Variants in MCU observed in about 807,000 individuals in gnomAD.
The protein encoded by MCU is mitochondrial calcium uniporter.
In MCU, 12 loss-of-function variants were observed where a neutral mutation model predicts 45.2. The ratio of observed to expected loss-of-function variants is 0.27; its 90% CI spans 0.17 to 0.43. The LOEUF (loss-of-function observed/expected upper bound fraction) is 0.43, where lower values mean the gene tolerates loss of function less well. MCU is among the 20% of genes least tolerant of loss of function. The probability of loss-of-function intolerance (pLI) is 1.00; values close to 1 mark genes in which losing one functional copy is unlikely to be tolerated. For synonymous variants in MCU, 160 were observed against 165.1 expected (o/e 0.97, Z 0.24); for missense variants, 324 against 436.7 (o/e 0.74, Z 2.30).
At chr10:72,720,048 T>A (rs78113212) in intron 1 of MCU, among the ~76,000 whole-genome samples, 4 of 147,118 alleles carry the variant, frequency 2.7e-5, no homozygotes, top group African/African-American at 1.0e-4. Flanking sequence ...TCTAATTAAA[T>A]TTTTTTTTTT....
Position 72,692,226 on chromosome 10 carries a change from C to T in MCU, c.75C>T (p.Gly25=). 2.4e-6 allele frequency: 3 copies of T among 1,243,060 alleles called. No individual in the cohort carries two copies. The highest frequency in any genetic ancestry group is 3.0e-6 in the Non-Finnish European group (3 of 988,174). The allele number at this position is 1,243,060 out of a possible 1,614,324, so 77.0% of individuals were successfully genotyped here. A position where few individuals can be genotyped will look rare whatever the true frequency, so the allele number is the denominator to read the frequency against. Residue 25 remains glycine (G), a synonymous_variant, in exon 1 of 8, where the codon GGC becomes GGT. Coordinates refer to ENST00000373053, the MANE Select transcript of MCU (RefSeq NM_138357.3). The part of the protein sequence containing the change: ...SRGGGGGGAG[G]CGALTAGCFP... ...GCGGCGGCGGCGGGGGCGCCGGCGG[C>T]TGCGGGGCGCTGACTGCCGGCTGCT... is the stretch of plus-strand genomic sequence containing the variant.
In MCU at chr10:72,828,839, A is replaced by C. The variant is rs534358101; in HGVS notation, c.151-5520A>C. 2.9e-3 allele frequency among the ~76,000 whole-genome samples: 442 copies of C among 152,328 alleles called. 3 individuals are homozygous for C. Among genetic ancestry groups the C allele is most frequent in the African/African-American group, 0.01 (417 of 41,570 alleles). On this transcript the variant is annotated intron_variant, in intron 1 of 7. Transcript: ENST00000373053. ...CTCTAAATTGATAACACTAGGGATTAAGATCAAAGGTAAATGATTATAATA... is the reference window on the plus strand; with the variant it reads ...CTCTAAATTGATAACACTAGGGATTCAGATCAAAGGTAAATGATTATAATA...
At chr10:72,710,716 A>G (rs918700055) in intron 1 of MCU, among the ~76,000 whole-genome samples, 66 of 152,048 alleles carry the variant, frequency 4.3e-4, no homozygotes, top group African/African-American at 1.5e-3. Flanking sequence ...AGCTTGAGAA[A>G]TTGAACATTA....
chr10:72,862,436 T>TA (rs1411897520), intron 4 of MCU, among the ~76,000 whole-genome samples: 5 of 152,178 alleles, frequency 3.3e-5, no homozygotes, highest in Non-Finnish European at 7.3e-5. Context: ...TTGTTAAAGA[T>TA]AATTTTTCCA....
Position 72,793,681 on chromosome 10 carries a change from G to T in MCU, c.151-40678G>T, listed in dbSNP as rs181767176. 5.9e-5 allele frequency among the ~76,000 whole-genome samples: 9 copies of T among 152,148 alleles called. No individual in the cohort carries two copies. In the East Asian group the frequency reaches 1.7e-3, roughly 29 times the overall value. On this transcript the variant is annotated intron_variant, in intron 1 of 7. Coordinates refer to ENST00000373053, the MANE Select transcript of MCU (RefSeq NM_138357.3). The stretch of plus-strand genomic sequence containing the variant: ...AACCGAGGCTGACTATATTAGCTGG[G>T]CCCTTGGTTGGGGCTGTAGGCTCGA...
At chr10:72,832,542 A>G (rs1844893233) in intron 1 of MCU, among the ~76,000 whole-genome samples, 3 of 152,226 alleles carry the variant, frequency 2.0e-5, no homozygotes, top group Admixed American at 2.0e-4. Context: ...CATGAAAACA[A>G]CTTCAAAGTG....
intron 1 of MCU, among the ~76,000 whole-genome samples, chr10:72,754,992 A>G (rs1005973843): frequency 1.3e-5 from 2 of 152,146 alleles, no homozygotes; most frequent in African/African-American, 2.4e-5. Context: ...CAAGATTTGT[A>G]TTGAATTCCT....
intron 2 of MCU, among the ~76,000 whole-genome samples, chr10:72,848,239 C>T (rs1845152069): frequency 6.6e-6 from 1 of 152,166 alleles, no homozygotes; most frequent in Non-Finnish European, 1.5e-5. Context: ...GGCATCTATA[C>T]TATCTTAGTC....
At chr10:72,827,588 A>G (rs550966964) in intron 1 of MCU, among the ~76,000 whole-genome samples, 1 of 152,074 alleles carries the variant, frequency 6.6e-6, no homozygotes, top group Admixed American at 6.6e-5. Context: ...CTGTTTCTAG[A>G]TAGTTGTGGT....
At chr10:72,810,634 G>GGTT (rs71021536) in intron 1 of MCU, among the ~76,000 whole-genome samples, 10,715 of 146,748 alleles carry the variant, frequency 0.073, 1,019 homozygotes, top group African/African-American at 0.22. Flanking sequence ...CGCCCAGCTA[G>GGTT]GTTGTTGTTG....
At chr10:72,787,392 G>A (rs1183167328) in intron 1 of MCU, among the ~76,000 whole-genome samples, 4 of 151,750 alleles carry the variant, frequency 2.6e-5, no homozygotes, top group East Asian at 2.0e-4. Flanking sequence ...CCTCAGCCTC[G>A]AGAGTAGCTG....
intron 1 of MCU, among the ~76,000 whole-genome samples, chr10:72,719,115 T>G (rs1842988920): frequency 6.6e-6 from 1 of 152,220 alleles, no homozygotes; most frequent in African/African-American, 2.4e-5. Context: ...CATTTACATG[T>G]TATTCAGAAA....
intron 6 of MCU, among the ~76,000 whole-genome samples, chr10:72,884,037 C>A (rs1427131741): frequency 6.6e-6 from 1 of 151,966 alleles, no homozygotes; most frequent in Non-Finnish European, 1.5e-5. Context: ...TTTTATAAAA[C>A]CTGGTGATGA....
chr10:72,809,168 T>A (rs1844500268), intron 1 of MCU, among the ~76,000 whole-genome samples: 1 of 152,200 alleles, frequency 6.6e-6, no homozygotes, highest in African/African-American at 2.4e-5. Context: ...CTGTTTTGAG[T>A]GCCAGGCACG....
intron 5 of MCU, among the ~76,000 whole-genome samples, chr10:72,871,026 G>A (rs572725114): frequency 9.9e-4 from 151 of 152,042 alleles, no homozygotes; most frequent in African/African-American, 3.3e-3. Flanking sequence ...CCAGCCTCCC[G>A]ATAGCTGGGA....
Position 72,884,254 on chromosome 10 carries a change from T to C in MCU, c.862-12T>C, listed in dbSNP as rs16930154. 0.01 allele frequency: 15,319 copies of C among 1,484,908 alleles called. 1,334 individuals carry two copies. In the African/African-American group the frequency reaches 0.19, roughly 18 times the overall value. 92.0% of individuals were successfully genotyped at this position (1,484,908 alleles called of 1,614,324 possible). ...GCTAAGGACTGATAATTCCGTTTCT[T>C]CATTTTTTTAGGAATATGTTTATCC... is the stretch of plus-strand genomic sequence containing the variant. On this transcript the variant is annotated splice_polypyrimidine_tract_variant and intron_variant, in intron 6 of 7. Coordinates refer to ENST00000373053, the MANE Select transcript of MCU (RefSeq NM_138357.3).
intron 2 of MCU, among the ~76,000 whole-genome samples, chr10:72,844,506 C>A (rs1658430515): frequency 6.6e-6 from 1 of 151,964 alleles, no homozygotes; most frequent in Non-Finnish European, 1.5e-5. Flanking sequence ...GAGGTCAAGG[C>A]TGCAGTGAGC....
At chr10:72,702,989 A>AG (rs11399885) in intron 1 of MCU, among the ~76,000 whole-genome samples, 77,295 of 149,216 alleles carry the variant, frequency 0.52, 21,927 homozygotes, top group Non-Finnish European at 0.67. Context: ...AAAAAAAGAA[A>AG]AAAAAAAAAA....
intron 1 of MCU, among the ~76,000 whole-genome samples, chr10:72,709,110 ATTT>A (rs1466349083): frequency 7.2e-5 from 11 of 152,154 alleles, no homozygotes; most frequent in Admixed American, 2.0e-4. Context: ...GAAAGGAACT[ATTT>A]CAAAGAGGTG....
Sources: allele counts gnomAD v4.1 joint callset (sites outside exome capture counted in the v4.1 genomes callset), GRCh38; gene constraint gnomAD v4.1.1; transcripts MANE v1.5; gene names NCBI Gene and HGNC (gene_info 2026-07-23, HGNC 2026-07-21).